The following CACNA1E variants were observed in gnomAD, a reference collection of about 807,000 sequenced individuals.
CACNA1E encodes the protein calcium voltage-gated channel subunit alpha1 E, also known as voltage-dependent R-type calcium channel subunit alpha-1E.
CACNA1E carries 40 observed loss-of-function variants against 259.2 expected under a neutral mutation model. That is an observed-to-expected ratio of 0.15 (90% CI 0.12 to 0.20). CACNA1E has a LOEUF of 0.20. Among genes scored for constraint, CACNA1E ranks in the 10% least tolerant of loss-of-function variants. The probability of loss-of-function intolerance (pLI) is 1.00; values close to 1 mark genes in which losing one functional copy is unlikely to be tolerated. For synonymous variants in CACNA1E, 1,104 were observed against 1,138.5 expected, an observed-to-expected ratio of 0.97 and a Z score of 0.61; for missense variants, 1,874 against 3,040.1, an observed-to-expected ratio of 0.62 and a Z score of 9.02.
At chr1:181,407,517 A>T (rs1657551625) in intron 1 of CACNA1E, among the ~76,000 whole-genome samples, 1 of 152,214 alleles carries the variant, frequency 6.6e-6, no homozygotes, top group Non-Finnish European at 1.5e-5. Context: ...CCCAAGATCT[A>T]CTGCATGAGA....
intron 4 of CACNA1E, among the ~76,000 whole-genome samples, chr1:181,578,408 TA>T (rs894437066): frequency 6.6e-6 from 1 of 151,410 alleles, no homozygotes; most frequent in Non-Finnish European, 1.5e-5. Flanking sequence ...TAGAAAAAAG[TA>T]AAAAAAATGT....
At chr1:181,755,774 G>A (rs1205460762) in intron 28 of CACNA1E, among the ~76,000 whole-genome samples, 182 bp from the exon 29 acceptor site, 1 of 152,110 alleles carries the variant, frequency 6.6e-6, no homozygotes, top group African/African-American at 2.4e-5. Context: ...GTATCTGTTG[G>A]GCACCAAATC....
At chr1:181,609,757 T>A (rs1654571205) in intron 6 of CACNA1E, among the ~76,000 whole-genome samples, 1 of 152,202 alleles carries the variant, frequency 6.6e-6, no homozygotes, top group Non-Finnish European at 1.5e-5. Context: ...AGAACTCTAT[T>A]TTCTATGATT....
chr1:181,583,402 G>A (rs1651752230), intron 6 of CACNA1E, among the ~76,000 whole-genome samples: 1 of 152,108 alleles, frequency 6.6e-6, no homozygotes, highest in South Asian at 2.1e-4. Flanking sequence ...AAGAGAGGGG[G>A]ATCCCCTATT....
chr1:181,738,537 T>C (rs1206621440), intron 24 of CACNA1E, 111 bp downstream of exon 24: 32 of 818,178 alleles, frequency 3.9e-5, no homozygotes, highest in Non-Finnish European at 5.6e-5. Context: ...ATGGCAGCCC[T>C]CAGTAGAGCT....
intron 16 of CACNA1E, among the ~76,000 whole-genome samples, chr1:181,723,870 A>C (rs544818882): frequency 6.6e-6 from 1 of 152,200 alleles, no homozygotes; most frequent in Non-Finnish European, 1.5e-5. Context: ...AGGAACCTCC[A>C]CATGTTCAGC....
At chr1:181,420,433 G>A (rs1227264970) in intron 2 of CACNA1E, among the ~76,000 whole-genome samples, 1 of 152,182 alleles carries the variant, frequency 6.6e-6, no homozygotes, top group African/African-American at 2.4e-5. Flanking sequence ...ACTTTAGCAA[G>A]TGGGCATGTC....
At chr1:181,578,806 C>T (rs1651232119) in intron 4 of CACNA1E, among the ~76,000 whole-genome samples, 1 of 152,170 alleles carries the variant, frequency 6.6e-6, no homozygotes, top group African/African-American at 2.4e-5. Context: ...AGTGCTTGTA[C>T]TAATTGTGCT....
intron 25 of CACNA1E, among the ~76,000 whole-genome samples, chr1:181,744,304 C>A (rs565199694): frequency 1.3e-5 from 2 of 152,266 alleles, no homozygotes; most frequent in African/African-American, 4.8e-5. Flanking sequence ...TTGGAAGGAT[C>A]CTAAGGAGCC....
intron 6 of CACNA1E, among the ~76,000 whole-genome samples, chr1:181,597,235 C>T (rs1204018788): frequency 3.3e-5 from 5 of 152,186 alleles, no homozygotes; most frequent in African/African-American, 1.2e-4. Context: ...GACTTGGACC[C>T]TCTGTAGCTT....
At chr1:181,682,604 G>T (rs563086696) in intron 7 of CACNA1E, among the ~76,000 whole-genome samples, 1 of 152,328 alleles carries the variant, frequency 6.6e-6, no homozygotes, top group African/African-American at 2.4e-5. Context: ...TAGAAAAGAG[G>T]TTTAATTGGC....
chr1:181,781,907 C>CAT (rs1251043734), intron 39 of CACNA1E, among the ~76,000 whole-genome samples: 1 of 152,136 alleles, frequency 6.6e-6, no homozygotes, highest in Non-Finnish European at 1.5e-5. Flanking sequence ...TATCAGTGCT[C>CAT]ATATGCAAAG....
intron 2 of CACNA1E, among the ~76,000 whole-genome samples, chr1:181,476,522 T>G (rs572603260): frequency 6.6e-6 from 1 of 152,320 alleles, no homozygotes; most frequent in South Asian, 2.1e-4. Flanking sequence ...CGGCATTATC[T>G]TCAAGAGTGA....
At chr1:181,574,694 G>A (rs1322413008) in intron 3 of CACNA1E, among the ~76,000 whole-genome samples, 4 of 152,144 alleles carry the variant, frequency 2.6e-5, no homozygotes, top group Non-Finnish European at 5.9e-5. Flanking sequence ...TGGGAGCACA[G>A]AATAAGGCTA....
intron 38 of CACNA1E, among the ~76,000 whole-genome samples, chr1:181,778,602 TGTAG>T (rs1179177784): frequency 1.3e-5 from 2 of 152,198 alleles, no homozygotes; most frequent in Non-Finnish European, 2.9e-5. Context: ...GAGAAGATGC[TGTAG>T]CCACTGAAAA....
At chr1:181,705,288 T>G (rs1652683399) in intron 7 of CACNA1E, among the ~76,000 whole-genome samples, 1 of 152,230 alleles carries the variant, frequency 6.6e-6, no homozygotes, top group South Asian at 2.1e-4. Context: ...TTGTATGAGA[T>G]TATGTAATTC....
chr1:181,439,333 ATT>A (rs10708641), intron 2 of CACNA1E, among the ~76,000 whole-genome samples: 1,691 of 147,844 alleles, frequency 0.011, 21 homozygotes, highest in African/African-American at 0.035. Context: ...CCAAATTTAG[ATT>A]TTTTTTTTTT....
chr1:181,450,574 C>T (rs748436184), intron 2 of CACNA1E, among the ~76,000 whole-genome samples: 7 of 151,900 alleles, frequency 4.6e-5, no homozygotes, highest in Non-Finnish European at 8.8e-5. Context: ...AATTAGAAAC[C>T]GAGATTATGG....
At chr1:181,731,154 C>A in intron 18 of CACNA1E, 21 bp from the exon 19 acceptor site, 1 of 1,609,634 alleles carries the variant, frequency 6.2e-7, no homozygotes, top group Non-Finnish European at 8.5e-7. Flanking sequence ...TGAACTGAAC[C>A]TGTCCATTTT....
Sources: gnomAD v4.1 joint callset for allele counts (sites outside exome capture counted in the v4.1 genomes callset) on GRCh38, gnomAD v4.1.1 for gene constraint, MANE v1.5 for transcripts, NCBI Gene and HGNC (gene_info 2026-07-23, HGNC 2026-07-21) for gene names.